The following FILIP1L variants were observed in gnomAD, a reference collection of about 807,000 sequenced individuals.
FILIP1L encodes filamin A-interacting protein 1-like.
A neutral mutation model predicts 96.6 loss-of-function variants in FILIP1L; 55 were observed. That is an observed-to-expected ratio of 0.57 (90% CI 0.46 to 0.71). The LOEUF is 0.71. FILIP1L is among the 30% of genes least tolerant of loss of function. FILIP1L has a pLI of 0.00. For synonymous variants in FILIP1L, 467 were observed against 473.9 expected, an observed-to-expected ratio of 0.99 and a Z score of 0.19; for missense variants, 1,304 against 1,321.2, an observed-to-expected ratio of 0.99 and a Z score of 0.20.
chr3:99,876,318 G>C, intron 4 of FILIP1L: 1 of 538,872 alleles, frequency 1.9e-6, no homozygotes, highest in Non-Finnish European at 2.4e-6. Flanking sequence ...ACACACCCCA[G>C]CTCCCGCGGA....
chr3:99,839,248 A>G (rs1219503868), intron 5 of FILIP1L, among the ~76,000 whole-genome samples: 1 of 152,120 alleles, frequency 6.6e-6, no homozygotes, highest in Non-Finnish European at 1.5e-5. Flanking sequence ...TTGAGCTCTT[A>G]GTTACCTTTT....
At chr3:99,988,160 A>G (rs554835371) in intron 1 of FILIP1L, among the ~76,000 whole-genome samples, 1 of 152,024 alleles carries the variant, frequency 6.6e-6, no homozygotes, top group Admixed American at 6.6e-5. Context: ...GAATTGTGGG[A>G]TCTTTTATCT....
intron 4 of FILIP1L, among the ~76,000 whole-genome samples, chr3:99,923,437 C>G (rs1488197748): frequency 6.6e-6 from 1 of 152,196 alleles, no homozygotes; most frequent in Non-Finnish European, 1.5e-5. Context: ...AACTGTGCCC[C>G]ATTCCCATAT....
chr3:100,109,297 T>C (rs1264809908), intron 1 of FILIP1L, among the ~76,000 whole-genome samples: 1 of 152,126 alleles, frequency 6.6e-6, no homozygotes, highest in Non-Finnish European at 1.5e-5. Context: ...AAGTTTGAAG[T>C]GGGATTCTCT....
At chr3:99,994,485 A>C (rs1424584605) in intron 1 of FILIP1L, among the ~76,000 whole-genome samples, 1 of 152,230 alleles carries the variant, frequency 6.6e-6, no homozygotes, top group East Asian at 1.9e-4. Flanking sequence ...ATGTTAGGCC[A>C]CAAAACAAGT....
chr3:99,940,096 T>G (rs769324413), intron 1 of FILIP1L, among the ~76,000 whole-genome samples: 1 of 152,214 alleles, frequency 6.6e-6, no homozygotes, highest in Non-Finnish European at 1.5e-5. Flanking sequence ...AAAAGAAATA[T>G]AAAAATCTTC....
intron 1 of FILIP1L, among the ~76,000 whole-genome samples, chr3:99,975,055 T>C (rs1708929111): frequency 6.6e-6 from 1 of 152,198 alleles, no homozygotes; most frequent in Non-Finnish European, 1.5e-5. Context: ...GAGTGACTGC[T>C]AATGTTCCAG....
intron 5 of FILIP1L, chr3:99,833,282 G>A (rs759499304): frequency 4.7e-5 from 76 of 1,601,170 alleles, no homozygotes; most frequent in Non-Finnish European, 6.4e-5. Flanking sequence ...GTAGAAAGAA[G>A]AGGAGTAAAT....
At chr3:99,969,643 A>T (rs1708756449) in intron 1 of FILIP1L, among the ~76,000 whole-genome samples, 1 of 152,180 alleles carries the variant, frequency 6.6e-6, no homozygotes, top group Non-Finnish European at 1.5e-5. Context: ...AGAGGTAGTA[A>T]GGGCAAAGGC....
intron 1 of FILIP1L, among the ~76,000 whole-genome samples, chr3:100,112,382 C>A (rs1020531465): frequency 2.0e-5 from 3 of 152,142 alleles, no homozygotes; most frequent in Admixed American, 6.6e-5. Flanking sequence ...CGGCAAGTTG[C>A]AATGGCAGTC....
chr3:100,000,670 G>C (rs1221970737), intron 1 of FILIP1L, among the ~76,000 whole-genome samples: 2 of 152,172 alleles, frequency 1.3e-5, no homozygotes, highest in Non-Finnish European at 2.9e-5. Flanking sequence ...AGCTATGATT[G>C]TGCTATTGCA....
intron 4 of FILIP1L, among the ~76,000 whole-genome samples, chr3:99,891,745 A>G (rs1194976460): frequency 6.6e-6 from 1 of 152,224 alleles, no homozygotes; most frequent in Non-Finnish European, 1.5e-5. Flanking sequence ...TTAACCCAGT[A>G]CAGATTTACA....
chr3:99,931,639 T>C (rs1675102905), intron 1 of FILIP1L, among the ~76,000 whole-genome samples: 3 of 152,206 alleles, frequency 2.0e-5, no homozygotes, highest in Admixed American at 1.3e-4. Flanking sequence ...TATTCCTGTA[T>C]TCCTGACATT....
chr3:99,887,370 G>A (rs534166044), intron 4 of FILIP1L, among the ~76,000 whole-genome samples: 26 of 152,318 alleles, frequency 1.7e-4, no homozygotes, highest in Admixed American at 5.2e-4. Flanking sequence ...CCAGGAAGGA[G>A]AATGGTGGAA....
intron 2 of FILIP1L, 84 bp downstream of exon 2, chr3:99,930,685 T>G: frequency 7.0e-7 from 1 of 1,436,972 alleles, no homozygotes; most frequent in South Asian, 1.2e-5. Context: ...ACCACAGATA[T>G]CTATTTCTGT....
chr3:99,999,158 A>T (rs1275679342), intron 1 of FILIP1L, among the ~76,000 whole-genome samples: 2 of 152,208 alleles, frequency 1.3e-5, no homozygotes, highest in Non-Finnish European at 2.9e-5. Flanking sequence ...AGTGTTGAAG[A>T]TACTGAGTAA....
intron 1 of FILIP1L, among the ~76,000 whole-genome samples, chr3:99,959,095 T>A (rs1333689553): frequency 6.6e-6 from 1 of 152,118 alleles, no homozygotes; most frequent in African/African-American, 2.4e-5. Context: ...GATGGTAATT[T>A]AAAAAAAATT....
chr3:99,879,896 A>AC (rs1367350202), intron 4 of FILIP1L, among the ~76,000 whole-genome samples: 256 of 152,252 alleles, frequency 1.7e-3, no homozygotes, highest in Middle Eastern at 3.4e-3. Flanking sequence ...GGAGAGGTAT[A>AC]GTTCCATGGT....
At chr3:100,087,510 C>A (rs1173103596) in intron 1 of FILIP1L, among the ~76,000 whole-genome samples, 1 of 152,138 alleles carries the variant, frequency 6.6e-6, no homozygotes, top group Non-Finnish European at 1.5e-5. Flanking sequence ...TTTTCATAGA[C>A]CTATTTTTCA....
Sources: allele counts gnomAD v4.1 joint callset (sites outside exome capture counted in the v4.1 genomes callset), GRCh38; gene constraint gnomAD v4.1.1; transcripts MANE v1.5; gene names NCBI Gene and HGNC (gene_info 2026-07-23, HGNC 2026-07-21).